GHR: variants seen among roughly 807,000 people sequenced by gnomAD.
GHR encodes GH receptor.
A neutral mutation model predicts 67.1 loss-of-function variants in GHR; 35 were observed. That is an observed-to-expected ratio of 0.52 (90% CI 0.40 to 0.69). The LOEUF is 0.69. GHR is among the 30% of genes least tolerant of loss of function. The pLI is 0.00. For synonymous variants in GHR, 272 were observed against 269.1 expected (o/e 1.01, Z -0.10); for missense variants, 792 against 764.6 (o/e 1.04, Z -0.42).
chr5:42,655,989 A>C (rs1029139778), intron 3 of GHR, among the ~76,000 whole-genome samples: 1 of 152,162 alleles, frequency 6.6e-6, no homozygotes, highest in Non-Finnish European at 1.5e-5. Flanking sequence ...AAGTTTCTTT[A>C]CATGAATCTT....
chr5:42,575,068 A>G (rs1052409991), intron 2 of GHR, among the ~76,000 whole-genome samples: 5 of 152,272 alleles, frequency 3.3e-5, no homozygotes, highest in Non-Finnish European at 7.4e-5. Flanking sequence ...ATTCTTGACT[A>G]TCACTTCCTT....
In GHR at chr5:42,661,275, G is replaced by T. The variant is rs1471659830; in HGVS notation, c.137-27615G>T. Among the ~76,000 whole-genome samples, 3 of 152,178 alleles carry T rather than the reference G, an allele frequency of 2.0e-5. No homozygotes were observed. In the East Asian group the frequency reaches 5.8e-4, roughly 29 times the overall value. ...AGAACGCCACAAAGATATTCCTCGAGAAGAGCAGCTCCAAGACACATAATT... is the reference window on the plus strand; with the variant it reads ...AGAACGCCACAAAGATATTCCTCGATAAGAGCAGCTCCAAGACACATAATT... On this transcript the variant is annotated intron_variant, in intron 3 of 9. Transcript: ENST00000230882.
intron 2 of GHR, among the ~76,000 whole-genome samples, chr5:42,594,352 A>G (rs1447358390): frequency 1.3e-5 from 2 of 152,192 alleles, no homozygotes; most frequent in African/African-American, 2.4e-5. Flanking sequence ...TCCACTCTCC[A>G]TGGTCACTGT....
intron 1 of GHR, among the ~76,000 whole-genome samples, chr5:42,554,103 A>T (rs1430832652): frequency 6.6e-6 from 1 of 152,192 alleles, no homozygotes; most frequent in Non-Finnish European, 1.5e-5. Flanking sequence ...CTTTAGAATT[A>T]TACAAGAAAA....
At chr5:42,462,015 G>A (rs1744507505) in intron 1 of GHR, among the ~76,000 whole-genome samples, 1 of 152,190 alleles carries the variant, frequency 6.6e-6, no homozygotes, top group Non-Finnish European at 1.5e-5. Context: ...TGTCCTGTCA[G>A]AAACATGGTA....
intron 3 of GHR, among the ~76,000 whole-genome samples, chr5:42,686,955 A>G (rs1441473213): frequency 6.6e-6 from 1 of 152,236 alleles, no homozygotes; most frequent in East Asian, 1.9e-4. Flanking sequence ...AAATCTCCTT[A>G]AGCTGATAAG....
intron 2 of GHR, among the ~76,000 whole-genome samples, chr5:42,615,888 C>T (rs1753123633): frequency 6.6e-6 from 1 of 152,054 alleles, no homozygotes; most frequent in African/African-American, 2.4e-5. Context: ...TTCCTAGAAG[C>T]TTTAGATAGA....
chr5:42,574,309 T>C (rs1398813648), intron 2 of GHR, among the ~76,000 whole-genome samples: 1 of 152,214 alleles, frequency 6.6e-6, no homozygotes, highest in Non-Finnish European at 1.5e-5. Flanking sequence ...TGAAGTGCCA[T>C]ACTCAGACAG....
chr5:42,605,090 C>CTTTTTTTT (rs57499086), intron 2 of GHR, among the ~76,000 whole-genome samples: 4 of 90,070 alleles, frequency 4.4e-5, no homozygotes, highest in Non-Finnish European at 6.3e-5. Context: ...TGTGGTGCCT[C>CTTTTTTTT]TTTTTTTTTT....
chr5:42,647,294 G>T (rs1023585999), intron 3 of GHR, among the ~76,000 whole-genome samples: 20 of 152,050 alleles, frequency 1.3e-4, no homozygotes, highest in African/African-American at 3.9e-4. Flanking sequence ...ATAAAAATCG[G>T]CCGGGCGTTG....
In GHR at chr5:42,691,816, CAG is replaced by C; in HGVS notation, c.266+2798_266+2799del. 2.0e-5 allele frequency among the ~76,000 whole-genome samples: 3 copies of C among 152,336 alleles called. No homozygotes were observed. In the South Asian group the frequency reaches 6.2e-4, roughly 32 times the overall value. ...ACATGTTAGAGCAGCAGATTCAAAA[CAG>C]TGTCTGCCATCCTGTGATGACGATA... On this transcript the variant is annotated intron_variant, in intron 4 of 9. Transcript: ENST00000230882.
intron 1 of GHR, chr5:42,514,281 C>T (rs937394346): frequency 9.1e-5 from 90 of 984,230 alleles, no homozygotes; most frequent in Non-Finnish European, 9.5e-5. Context: ...TTTGGATTGG[C>T]AGACCCAGGG....
At position 42,473,930 on chromosome 5, in the gene GHR, G is replaced by T. The variant is rs186735090; in HGVS notation, c.-12+49975G>T. ...TAGCCAGGCGTGGTGGTTCATGCCT[G>T]TAATCCTAGCACTTTGGGAGGCCAA... On this transcript the variant is annotated intron_variant, in intron 1 of 9. Coordinates refer to ENST00000230882, the MANE Select transcript of GHR (RefSeq NM_000163.5). Among the ~76,000 whole-genome samples the T allele has an allele frequency of 2.0e-5, 3 of 151,282 alleles. No homozygotes were observed. In the East Asian group the frequency reaches 5.9e-4, roughly 30 times the overall value.
At chr5:42,502,562 C>T (rs1398759256) in intron 1 of GHR, among the ~76,000 whole-genome samples, 1 of 151,866 alleles carries the variant, frequency 6.6e-6, no homozygotes, top group Non-Finnish European at 1.5e-5. Flanking sequence ...GGAATAATGG[C>T]TTAAATAAGT....
chr5:42,715,141 T>C (rs372611527), intron 8 of GHR: 43 of 315,632 alleles, frequency 1.4e-4, no homozygotes, highest in African/African-American at 6.9e-4. Flanking sequence ...TACAATTGAT[T>C]TGAAATCTTT....
chr5:42,679,777 A>C (rs1756765241), intron 3 of GHR, among the ~76,000 whole-genome samples: 2 of 152,166 alleles, frequency 1.3e-5, no homozygotes, highest in South Asian at 4.1e-4. Flanking sequence ...TACCTAACTC[A>C]TTCTAGTTTT....
At chr5:42,540,556 C>T (rs528332538) in intron 1 of GHR, among the ~76,000 whole-genome samples, 31 of 152,106 alleles carry the variant, frequency 2.0e-4, no homozygotes, top group Non-Finnish European at 3.5e-4. Flanking sequence ...TTCTAACCTA[C>T]GGGAAGCCTG....
chr5:42,462,333 A>G (rs1372878605), intron 1 of GHR, among the ~76,000 whole-genome samples: 3 of 152,220 alleles, frequency 2.0e-5, no homozygotes, highest in African/African-American at 7.2e-5. Context: ...CAGCATGGCC[A>G]TAGGAATGAT....
At chr5:42,595,081 A>G (rs918429238) in intron 2 of GHR, among the ~76,000 whole-genome samples, 6 of 152,226 alleles carry the variant, frequency 3.9e-5, no homozygotes, top group Non-Finnish European at 8.8e-5. Flanking sequence ...CTGGCTTCAC[A>G]GTGCTTCCTA....
Sources: allele counts gnomAD v4.1 joint callset (sites outside exome capture counted in the v4.1 genomes callset), GRCh38; gene constraint gnomAD v4.1.1; transcripts MANE v1.5; gene names NCBI Gene and HGNC (gene_info 2026-07-23, HGNC 2026-07-21).